Variants in PSTPIP1 observed in about 807,000 individuals in gnomAD.
PSTPIP1 encodes the protein proline-serine-threonine phosphatase-interacting protein 1.
Under a neutral mutation model 69.6 loss-of-function variants are expected in PSTPIP1, and 66 were observed. That is an observed-to-expected ratio of 0.95 (90% CI 0.78 to 1.16). The LOEUF is 1.16. Ranked by LOEUF, PSTPIP1 falls within the 50% of genes most tolerant of loss-of-function variation. PSTPIP1 has a pLI of 0.00. For synonymous variants in PSTPIP1, 266 were observed against 222.7 expected, an observed-to-expected ratio of 1.19 and a Z score of -1.73; for missense variants, 603 against 557.4, an observed-to-expected ratio of 1.08 and a Z score of -0.82.
chr15:77,016,056 C>A, intron 1 of PSTPIP1: 1 of 456,236 alleles, frequency 2.2e-6, no homozygotes, highest in Non-Finnish European at 4.4e-6. Context: ...GAGAAGGGTT[C>A]CCTTGGCGTC....
chr15:77,028,135 T>TTCC (rs1416635738), intron 6 of PSTPIP1, among the ~76,000 whole-genome samples: 6 of 152,076 alleles, frequency 3.9e-5, no homozygotes, highest in East Asian at 3.9e-4. Flanking sequence ...CTTGTGGGGC[T>TTCC]CGTGAATGAA....
chr15:77,014,719 G>A (rs1260590183), intron 1 of PSTPIP1, among the ~76,000 whole-genome samples: 2 of 152,242 alleles, frequency 1.3e-5, no homozygotes, highest in Non-Finnish European at 2.9e-5. Flanking sequence ...GAGGGCCCTG[G>A]CCGGCTCACA....
Position 76,995,213 on chromosome 15 carries a change from G to GCCTCCCAC in PSTPIP1, c.-358_-351dup. On this transcript the variant is annotated 5_prime_UTR_variant, in exon 1 of 15. Coordinates refer to ENST00000558012, the MANE Select transcript of PSTPIP1 (RefSeq NM_003978.5). ...CAGCCTGCCTCTTCCACTGGCCACTGCCTCCCACCCAGGGCTGGCATCCCT... is the reference window on the plus strand; with the variant it reads ...CAGCCTGCCTCTTCCACTGGCCACTGCCTCCCACCCTCCCACCCAGGGCTGGCATCCCT... 1 of 1,216,768 alleles carries GCCTCCCAC rather than the reference G, an allele frequency of 8.2e-7. No homozygotes were observed. The highest frequency in any genetic ancestry group is 3.8e-5 in the Admixed American group (1 of 26,164). 75.4% of individuals were successfully genotyped at this position (1,216,768 alleles called of 1,614,324 possible). A position where few individuals can be genotyped will look rare whatever the true frequency, so the allele number is the denominator to read the frequency against.
intron 5 of PSTPIP1, among the ~76,000 whole-genome samples, chr15:77,025,809 CT>C (rs1555679470): frequency 6.6e-6 from 1 of 152,172 alleles, no homozygotes; most frequent in Non-Finnish European, 1.5e-5. Flanking sequence ...AAGGCCAACT[CT>C]TAGTCCCAGA....
At chr15:76,996,599 G>A (rs1193622653) in intron 1 of PSTPIP1, among the ~76,000 whole-genome samples, 3 of 152,212 alleles carry the variant, frequency 2.0e-5, no homozygotes, top group African/African-American at 7.2e-5. Flanking sequence ...TGAGAGCTAT[G>A]GAGCCAGGCC....
chr15:77,007,670 C>G lies in PSTPIP1; in HGVS notation c.37-10478C>G, dbSNP rs571295008. 3.0e-4 allele frequency among the ~76,000 whole-genome samples: 45 copies of G among 151,750 alleles called. No homozygotes were observed. The South Asian group carries it at 7.1e-3, about 24-fold the overall frequency. The stretch of plus-strand genomic sequence containing the variant: ...AGTGCAGTGGCACAATCTCAGCTCA[C>G]TGCAAGCTCCGCCTCCTGGGTTCAC... On this transcript the variant is annotated intron_variant, in intron 1 of 14. Coordinates refer to ENST00000558012, the MANE Select transcript of PSTPIP1 (RefSeq NM_003978.5).
At chr15:77,032,770 C>A in intron 11 of PSTPIP1, 92 bp from the exon 12 acceptor site, 1 of 1,143,312 alleles carries the variant, frequency 8.7e-7, no homozygotes, top group Non-Finnish European at 1.3e-6. Context: ...TGGGCCAGGG[C>A]CAGATTGGGA....
At chr15:77,022,758 A>C (rs1370153267) in intron 3 of PSTPIP1, among the ~76,000 whole-genome samples, 3 of 152,128 alleles carry the variant, frequency 2.0e-5, no homozygotes, top group Admixed American at 6.5e-5. Flanking sequence ...TTGTTGTGTG[A>C]GCTGAACTAG....
At position 77,027,870 on chromosome 15, in the gene PSTPIP1, C is replaced by A. The variant is rs750160336; in HGVS notation, c.373C>A (p.Arg125=). ...QRKKYEAVMD[R]VQKSKLSLYK... The stretch of plus-strand genomic sequence containing the variant: ...CCTGCAGTATGAGGCCGTCATGGAC[C>A]GGGTCCAGAAGAGCAAGCTGTCGCT... The change falls in exon 6 of 15, where the codon CGG becomes AGG. Residue 125 remains arginine, a synonymous_variant. Transcript: ENST00000558012. This position sits in a 1 kb window ranked among gnomAD's most constrained non-coding sequence, Gnocchi z 4.3. 36 of 1,569,550 alleles carry A rather than the reference C, an allele frequency of 2.3e-5. No homozygotes were observed. The highest frequency in any genetic ancestry group is 5.6e-5 in the Admixed American group (3 of 53,562).
intron 1 of PSTPIP1, among the ~76,000 whole-genome samples, chr15:76,997,080 G>A (rs1239883586): frequency 6.6e-6 from 1 of 152,232 alleles, no homozygotes; most frequent in Non-Finnish European, 1.5e-5. Context: ...CTCCATGGCA[G>A]GATCTGGGCA....
chr15:77,015,859 AG>A (rs2076038765), intron 1 of PSTPIP1: 2 of 451,396 alleles, frequency 4.4e-6, no homozygotes, highest in Middle Eastern at 6.0e-4. Context: ...ACTCGGCCAC[AG>A]CCCCTGCCAG....
At chr15:77,034,773 T>C (rs1047399443) in intron 12 of PSTPIP1, among the ~76,000 whole-genome samples, 2 of 152,208 alleles carry the variant, frequency 1.3e-5, no homozygotes, top group Non-Finnish European at 2.9e-5. Flanking sequence ...AGCCTCTACT[T>C]GTTGAGCCCT....
chr15:77,028,026 C>A, intron 6 of PSTPIP1, 112 bp downstream of exon 6: 2 of 1,050,974 alleles, frequency 1.9e-6, no homozygotes, highest in Non-Finnish European at 2.8e-6. Context: ...CTGACCTCAG[C>A]CTTGGTCCTC....
chr15:77,028,732 C>A, intron 7 of PSTPIP1, 80 bp downstream of exon 7: 1 of 1,222,570 alleles, frequency 8.2e-7, no homozygotes, highest in Non-Finnish European at 1.1e-6. Context: ...CCGTAGACAC[C>A]CCCAGGCAAG....
chr15:77,032,611 G>C, intron 11 of PSTPIP1: 2 of 628,740 alleles, frequency 3.2e-6, no homozygotes, highest in Non-Finnish European at 5.6e-6. Context: ...GAAGAGGTGG[G>C]GATGGGGATT....
chr15:76,995,016 A>G, upstream of PSTPIP1: 1 of 1,190,542 alleles, frequency 8.4e-7, no homozygotes, highest in Non-Finnish European at 1.1e-6. Context: ...GGAGGGGGCA[A>G]GCAGAGGCAG....
chr15:77,009,604 C>G (rs865893164), intron 1 of PSTPIP1, among the ~76,000 whole-genome samples: 2 of 152,200 alleles, frequency 1.3e-5, no homozygotes, highest in African/African-American at 2.4e-5. Flanking sequence ...ATGCATGAAT[C>G]CCCTCGGCTG....
chr15:77,037,466 T>C lies in PSTPIP1; in HGVS notation c.*290T>C. 1 of 316,618 alleles carries C rather than the reference T, an allele frequency of 3.2e-6. No individual in the cohort carries two copies. Among genetic ancestry groups the C allele is most frequent in the Non-Finnish European group, 6.1e-6 (1 of 164,124 alleles). The allele number at this position is 316,618 out of a possible 1,614,324, so 19.6% of individuals were successfully genotyped here. On this transcript the variant is annotated 3_prime_UTR_variant, in exon 15 of 15. Coordinates refer to ENST00000558012, the MANE Select transcript of PSTPIP1 (RefSeq NM_003978.5). Reference sequence around the variant, plus strand: ...ACTCAGCCGAGGCTTCAGCTATAGTTGGAGAAGAGGCCTGGCCCCAGTTGC... The same window carrying C: ...ACTCAGCCGAGGCTTCAGCTATAGTCGGAGAAGAGGCCTGGCCCCAGTTGC...
chr15:76,996,065 C>T (rs1247113699), intron 1 of PSTPIP1, among the ~76,000 whole-genome samples: 1 of 152,190 alleles, frequency 6.6e-6, no homozygotes, highest in Non-Finnish European at 1.5e-5. Flanking sequence ...AATCAACACA[C>T]CAACTAAAGC....
Sources: allele counts gnomAD v4.1 joint callset (sites outside exome capture counted in the v4.1 genomes callset), GRCh38; gene constraint gnomAD v4.1.1; non-coding constraint Gnocchi (gnomAD v3.1); transcripts MANE v1.5; gene names NCBI Gene and HGNC (gene_info 2026-07-23, HGNC 2026-07-21).